Variants in NCAM2 observed in about 807,000 individuals in gnomAD.
The protein encoded by NCAM2 is N-CAM-2.
NCAM2 carries 30 observed loss-of-function variants against 98.1 expected under a neutral mutation model. That is an observed-to-expected ratio of 0.31 (90% CI 0.23 to 0.41). The LOEUF (loss-of-function observed/expected upper bound fraction) is 0.41, where lower values mean the gene tolerates loss of function less well. NCAM2 is among the 10% of genes least tolerant of loss of function. The probability of loss-of-function intolerance (pLI) is 1.00; values close to 1 mark genes in which losing one functional copy is unlikely to be tolerated. For synonymous variants in NCAM2, 368 were observed against 342.4 expected, an observed-to-expected ratio of 1.07 and a Z score of -0.83; for missense variants, 867 against 1,005.8, an observed-to-expected ratio of 0.86 and a Z score of 1.87.
chr21:21,412,663 A>G (rs1041439070), intron 10 of NCAM2, among the ~76,000 whole-genome samples: 2 of 152,188 alleles, frequency 1.3e-5, no homozygotes, highest in Admixed American at 1.3e-4. Flanking sequence ...TGCCTACTTG[A>G]CACACAGCCA....
chr21:21,128,471 G>T (rs1270534765), intron 1 of NCAM2, among the ~76,000 whole-genome samples: 2 of 152,112 alleles, frequency 1.3e-5, no homozygotes, highest in Non-Finnish European at 2.9e-5. Flanking sequence ...GTACTGAAAA[G>T]ATTAAGATCT....
At chr21:21,244,844 TAAAAAAAAAAA>T (rs11410837) in intron 1 of NCAM2, among the ~76,000 whole-genome samples, 3 of 99,944 alleles carry the variant, frequency 3.0e-5, no homozygotes, top group African/African-American at 4.0e-5. Flanking sequence ...AGACTCTGTC[TAAAAAAAAAAA>T]AAAAAAAAAG....
chr21:21,488,212 C>A (rs999950433), intron 15 of NCAM2, among the ~76,000 whole-genome samples: 1 of 151,882 alleles, frequency 6.6e-6, no homozygotes, highest in Non-Finnish European at 1.5e-5. Context: ...AACAAAGTTA[C>A]AAGTATGCAT....
At chr21:21,103,958 G>A (rs2066294015) in intron 1 of NCAM2, among the ~76,000 whole-genome samples, 2 of 152,044 alleles carry the variant, frequency 1.3e-5, no homozygotes, top group Admixed American at 1.3e-4. Context: ...AATCGTGGTT[G>A]TGGAATTTTC....
At chr21:21,234,013 A>G (rs530242199) in intron 1 of NCAM2, among the ~76,000 whole-genome samples, 1 of 151,934 alleles carries the variant, frequency 6.6e-6, no homozygotes, top group South Asian at 2.1e-4. Flanking sequence ...ATAAAAGTTC[A>G]TAATTTTTAC....
intron 16 of NCAM2, among the ~76,000 whole-genome samples, chr21:21,524,837 T>C (rs996066901): frequency 1.3e-5 from 2 of 152,106 alleles, no homozygotes; most frequent in African/African-American, 4.8e-5. Flanking sequence ...AATGGAATTA[T>C]ACTACAAATA....
At chr21:21,502,719 A>G (rs541404583) in intron 15 of NCAM2, among the ~76,000 whole-genome samples, 2 of 152,096 alleles carry the variant, frequency 1.3e-5, no homozygotes, top group Non-Finnish European at 2.9e-5. Flanking sequence ...AATCAGAGTT[A>G]TTTAATGTCT....
In NCAM2 at chr21:20,998,502, G is replaced by A. The variant is rs537977106; in HGVS notation, c.-62G>A. 2 of 1,556,796 alleles carry A rather than the reference G, an allele frequency of 1.3e-6. No homozygotes were observed. Among genetic ancestry groups the A allele is most frequent in the African/African-American group, 2.7e-5 (2 of 73,510 alleles). On this transcript the variant is annotated 5_prime_UTR_variant, in exon 1 of 18. Coordinates refer to ENST00000400546, the MANE Select transcript of NCAM2 (RefSeq NM_004540.5). ...GCAGAGGCGGCCGGGGCAGCGAAAGGTTCTCTCTCCAGGGCTGGACTTAAT... is the reference window on the plus strand; with the variant it reads ...GCAGAGGCGGCCGGGGCAGCGAAAGATTCTCTCTCCAGGGCTGGACTTAAT...
At chr21:21,396,359 G>C (rs1339253943) in intron 9 of NCAM2, among the ~76,000 whole-genome samples, 1 of 152,138 alleles carries the variant, frequency 6.6e-6, no homozygotes, top group African/African-American at 2.4e-5. Context: ...AAATACAATA[G>C]TGTTAGCACA....
intron 12 of NCAM2, among the ~76,000 whole-genome samples, chr21:21,458,661 C>T (rs55865895): frequency 0.14 from 21,293 of 152,180 alleles, 1,516 homozygotes; most frequent in Admixed American, 0.14. Context: ...GACTTCCCAG[C>T]CTCCAGAACT....
At chr21:21,047,826 A>G (rs781398035) in intron 1 of NCAM2, among the ~76,000 whole-genome samples, 7 of 152,100 alleles carry the variant, frequency 4.6e-5, no homozygotes, top group Non-Finnish European at 8.8e-5. Flanking sequence ...CATCTTGCCC[A>G]AATTCCTCCT....
chr21:21,071,891 C>G (rs2065574912), intron 1 of NCAM2, among the ~76,000 whole-genome samples: 1 of 150,094 alleles, frequency 6.7e-6, no homozygotes, highest in Non-Finnish European at 1.5e-5. Flanking sequence ...ATCTATCTAT[C>G]TATCTATCTA....
chr21:21,307,672 C>T (rs2147692068), intron 5 of NCAM2, among the ~76,000 whole-genome samples: 1 of 152,236 alleles, frequency 6.6e-6, no homozygotes, highest in East Asian at 1.9e-4. Flanking sequence ...CTTGAAGTCA[C>T]CTGCAGGAGG....
At position 21,521,905 on chromosome 21, in the gene NCAM2, C is replaced by T. The variant is rs1030625804; in HGVS notation, c.2283-12632C>T. Among the ~76,000 whole-genome samples the T allele has an allele frequency of 7.9e-5, 12 of 151,366 alleles. No homozygotes were observed. In the East Asian group the frequency reaches 2.3e-3, roughly 29 times the overall value. On this transcript the variant is annotated intron_variant, in intron 16 of 17. Coordinates refer to ENST00000400546, the MANE Select transcript of NCAM2 (RefSeq NM_004540.5). Reference sequence around the variant, plus strand: ...ACCAAATTAATGTCAGGCACCATACCATAGATCCAGAAAATTCAAATGTGT... The same window carrying T: ...ACCAAATTAATGTCAGGCACCATACTATAGATCCAGAAAATTCAAATGTGT...
chr21:21,359,428 T>A (rs1038782444), intron 8 of NCAM2, among the ~76,000 whole-genome samples: 10 of 152,024 alleles, frequency 6.6e-5, no homozygotes. Context: ...TCTAGTCATA[T>A]GTTGAAAATG....
intron 1 of NCAM2, among the ~76,000 whole-genome samples, chr21:21,204,755 ATTGCC>A (rs1262096394): frequency 6.6e-6 from 1 of 152,140 alleles, no homozygotes; most frequent in Non-Finnish European, 1.5e-5. Flanking sequence ...AAATTGGGCT[ATTGCC>A]AATTTATTCA....
At chr21:21,043,727 C>T (rs530941932) in intron 1 of NCAM2, among the ~76,000 whole-genome samples, 10 of 151,310 alleles carry the variant, frequency 6.6e-5, no homozygotes, top group African/African-American at 9.7e-5. Flanking sequence ...TGGTGGCGGG[C>T]GCCTGTAGTC....
intron 1 of NCAM2, among the ~76,000 whole-genome samples, chr21:21,176,965 A>G: frequency 6.6e-6 from 1 of 152,096 alleles, no homozygotes; most frequent in Non-Finnish European, 1.5e-5. Flanking sequence ...TTACACCTAA[A>G]TATAAATGTC....
At chr21:21,332,626 T>C (rs970901667) in intron 6 of NCAM2, among the ~76,000 whole-genome samples, 1 of 152,186 alleles carries the variant, frequency 6.6e-6, no homozygotes, top group Non-Finnish European at 1.5e-5. Flanking sequence ...TCTGCAGATA[T>C]CTATAGCTCT....
Sources: gnomAD v4.1 joint callset for allele counts (sites outside exome capture counted in the v4.1 genomes callset) on GRCh38, gnomAD v4.1.1 for gene constraint, MANE v1.5 for transcripts, NCBI Gene and HGNC (gene_info 2026-07-23, HGNC 2026-07-21) for gene names.